The following HYAL4 variants were observed in gnomAD, a reference collection of about 807,000 sequenced individuals.
HYAL4 encodes hyaluronidase-4.
A neutral mutation model predicts 35.2 loss-of-function variants in HYAL4; 37 were observed. That is an observed-to-expected ratio of 1.05 (90% confidence interval 0.81 to 1.38). The LOEUF (loss-of-function observed/expected upper bound fraction) is 1.38. Ranked by LOEUF, HYAL4 falls within the 40% of genes most tolerant of loss-of-function variation. The pLI is 0.00. For synonymous variants in HYAL4, 198 were observed against 203.2 expected, an observed-to-expected ratio of 0.97 and a Z score of 0.22; for missense variants, 572 against 572.4, an observed-to-expected ratio of 1.00 and a Z score of 0.01.
the HYAL4 span, among the ~76,000 whole-genome samples, chr7:123,816,314 C>A: frequency 6.6e-6 from 1 of 152,092 alleles, no homozygotes; most frequent in Admixed American, 6.6e-5. Flanking sequence ...GGATATCAGG[C>A]CTGCCTACCA....
chr7:123,770,053 A>G, the HYAL4 span, among the ~76,000 whole-genome samples: 4 of 152,246 alleles, frequency 2.6e-5, no homozygotes, highest in East Asian at 7.7e-4. Context: ...ATATCAGAAT[A>G]AAGTTTAAAC....
At chr7:123,843,288 G>A (rs1424092082), upstream of HYAL4, among the ~76,000 whole-genome samples, 4 of 151,998 alleles carry the variant, frequency 2.6e-5, no homozygotes, top group African/African-American at 9.7e-5. Context: ...GAAATTCTGG[G>A]TTGAAAATTC....
chr7:123,819,824 T>A, the HYAL4 span, among the ~76,000 whole-genome samples: 2 of 152,052 alleles, frequency 1.3e-5, no homozygotes, highest in East Asian at 1.9e-4. Flanking sequence ...TAATAAATTT[T>A]AAAAATGAAT....
chr7:123,831,849 G>C (rs1805887691), intron 1 of HYAL4, among the ~76,000 whole-genome samples: 1 of 152,306 alleles, frequency 6.6e-6, no homozygotes, highest in South Asian at 2.1e-4. Flanking sequence ...TAGCAGATGA[G>C]TAGAAACCAG....
the HYAL4 span, among the ~76,000 whole-genome samples, chr7:123,809,583 G>A: frequency 3.7e-4 from 56 of 151,598 alleles, no homozygotes; most frequent in Non-Finnish European, 6.6e-4. Context: ...CTTTTTTGTA[G>A]AGACAGGGTT....
the HYAL4 span, among the ~76,000 whole-genome samples, chr7:123,782,759 T>A: frequency 3.3e-5 from 5 of 152,156 alleles, no homozygotes; most frequent in Non-Finnish European, 7.4e-5. Context: ...CTCTTAGAAA[T>A]TTACAACATG....
chr7:123,777,042 A>G, the HYAL4 span, among the ~76,000 whole-genome samples: 1 of 152,194 alleles, frequency 6.6e-6, no homozygotes, highest in Non-Finnish European at 1.5e-5. Flanking sequence ...GAGAATAAGA[A>G]GCTCACCAAA....
intron 2 of HYAL4, among the ~76,000 whole-genome samples, chr7:123,853,211 G>T (rs1241884295): frequency 6.6e-6 from 1 of 152,124 alleles, no homozygotes; most frequent in Non-Finnish European, 1.5e-5. Context: ...CTTCCTATGT[G>T]AATGCTCTTT....
intron 2 of HYAL4, among the ~76,000 whole-genome samples, chr7:123,858,139 G>C (rs1806497826): frequency 6.6e-6 from 1 of 152,174 alleles, no homozygotes; most frequent in Non-Finnish European, 1.5e-5. Context: ...CGAGGTTGTA[G>C]TGAGCTGATA....
At chr7:123,839,746 A>C (rs1365331980) in intron 1 of HYAL4, among the ~76,000 whole-genome samples, 1 of 152,124 alleles carries the variant, frequency 6.6e-6, no homozygotes, top group Non-Finnish European at 1.5e-5. Flanking sequence ...TGATGATGAG[A>C]ACTTTTTCAT....
chr7:123,808,855 G>A, the HYAL4 span, among the ~76,000 whole-genome samples: 1 of 152,148 alleles, frequency 6.6e-6, no homozygotes, highest in African/African-American at 2.4e-5. Flanking sequence ...CTCACATGGT[G>A]GAAGGGGTAA....
At chr7:123,814,830 G>T in the HYAL4 span, 2 of 118,552 alleles carry the variant, frequency 1.7e-5, no homozygotes, top group African/African-American at 6.2e-5. Flanking sequence ...CCAAATTGTG[G>T]CTGTGGGAAA....
chr7:123,833,207 A>G (rs1353238631), intron 1 of HYAL4, among the ~76,000 whole-genome samples: 1 of 152,188 alleles, frequency 6.6e-6, no homozygotes, highest in Non-Finnish European at 1.5e-5. Context: ...AGCAGTGTGG[A>G]AGTGTTCCCG....
intron 3 of HYAL4, among the ~76,000 whole-genome samples, chr7:123,869,845 C>CCG (rs1554421466): frequency 6.7e-5 from 10 of 148,200 alleles, no homozygotes; most frequent in Non-Finnish European, 1.0e-4. Context: ...TCACCCCCCC[C>CCG]CACCCAGCTA....
intron 1 of HYAL4, among the ~76,000 whole-genome samples, chr7:123,837,116 C>G (rs1221715376): frequency 1.3e-5 from 2 of 152,096 alleles, no homozygotes; most frequent in Non-Finnish European, 2.9e-5. Flanking sequence ...GGTGAATTCT[C>G]TCAGCATTTG....
At chr7:123,854,496 A>G (rs1806385163) in intron 2 of HYAL4, among the ~76,000 whole-genome samples, 1 of 152,280 alleles carries the variant, frequency 6.6e-6, no homozygotes, top group East Asian at 1.9e-4. Flanking sequence ...TTCATTCAGG[A>G]GGAGGTTGTT....
chr7:123,831,963 C>T (rs1371408989), intron 1 of HYAL4, among the ~76,000 whole-genome samples: 7 of 151,516 alleles, frequency 4.6e-5, no homozygotes, highest in African/African-American at 1.7e-4. Flanking sequence ...TTTTTTTTTC[C>T]CTTCCATGCC....
rs578004178 is a variant in HYAL4, at chr7:123,833,001, G to A, written c.-257+3877G>A. ...CAATTTCTTTATCCACTTGTTGATT[G>A]ATGGGCTTTTGGGTTGGTTCCACAT... is the stretch of plus-strand genomic sequence containing the variant. On this transcript the variant is annotated intron_variant, in intron 1 of 4. Transcript: ENST00000489978. Among the ~76,000 whole-genome samples, 5 of 152,200 alleles carry A rather than the reference G, an allele frequency of 3.3e-5. No homozygotes were observed. The South Asian group carries it at 1.0e-3, about 32-fold the overall frequency.
chr7:123,847,959 A>G (rs1806211781), intron 1 of HYAL4, 130 bp from the exon 2 acceptor site: 2 of 152,576 alleles, frequency 1.3e-5, no homozygotes, highest in African/African-American at 4.8e-5. Context: ...TCAGAAAGCA[A>G]TGGTCATGTA....
Sources: gnomAD v4.1 joint callset for allele counts (sites outside exome capture counted in the v4.1 genomes callset) on GRCh38, gnomAD v4.1.1 for gene constraint, MANE v1.5 for transcripts, NCBI Gene and HGNC (gene_info 2026-07-23, HGNC 2026-07-21) for gene names.